The following CFAP44 variants were observed in gnomAD, a reference collection of about 807,000 sequenced individuals.
CFAP44 encodes cilia- and flagella-associated protein 44.
CFAP44 carries 134 observed loss-of-function variants against 216.2 expected under a neutral mutation model. The ratio of observed to expected loss-of-function variants is 0.62; its 90% CI spans 0.54 to 0.72. The LOEUF is 0.72. Ranked by LOEUF, CFAP44 falls within the 30% of genes least tolerant of loss-of-function variation. CFAP44 has a pLI of 0.00. For missense variants in CFAP44, 2,035 were observed against 2,182.1 expected (o/e 0.93, Z 1.34); for synonymous variants, 700 against 727.6 (o/e 0.96, Z 0.61).
intron 18 of CFAP44, among the ~76,000 whole-genome samples, chr3:113,367,413 C>A (rs1428546219): frequency 6.6e-6 from 1 of 152,196 alleles, no homozygotes; most frequent in African/African-American, 2.4e-5. Flanking sequence ...CATTCTGCAG[C>A]CTCCATTGGT....
At chr3:113,440,894 C>T (rs9815835) in intron 1 of CFAP44, among the ~76,000 whole-genome samples, 81,839 of 152,032 alleles carry the variant, frequency 0.54, 23,266 homozygotes, top group African/African-American at 0.71. Flanking sequence ...TCATGATAGA[C>T]TGGACACACT....
intron 6 of CFAP44, among the ~76,000 whole-genome samples, chr3:113,410,163 A>G (rs1307012732): frequency 6.8e-6 from 1 of 148,102 alleles, no homozygotes; most frequent in African/African-American, 2.5e-5. Context: ...TTTTTTTTTT[A>G]TTATACTTTA....
At chr3:113,438,297 C>A (rs547154429) in intron 1 of CFAP44, among the ~76,000 whole-genome samples, 1 of 152,330 alleles carries the variant, frequency 6.6e-6, no homozygotes, top group Admixed American at 6.5e-5. Context: ...TCACACATCT[C>A]AACATCCACC....
At chr3:113,294,122 T>A in intron 34 of CFAP44, 1 of 453,116 alleles carries the variant, frequency 2.2e-6, no homozygotes, top group South Asian at 1.6e-5. Flanking sequence ...TAACATAGAG[T>A]TTGGAATATG....
intron 28 of CFAP44, among the ~76,000 whole-genome samples, chr3:113,320,889 C>G (rs1950140669): frequency 1.3e-5 from 2 of 152,116 alleles, no homozygotes; most frequent in Admixed American, 6.6e-5. Flanking sequence ...TTTCCCAGCC[C>G]ACTGACTCAA....
chr3:113,403,628 C>A (rs1043678983), intron 9 of CFAP44, among the ~76,000 whole-genome samples: 3 of 152,172 alleles, frequency 2.0e-5, no homozygotes, highest in Admixed American at 6.5e-5. Context: ...ATCAGAATAA[C>A]AAGAGGCCCT....
Position 113,344,284 on chromosome 3 carries a change from G to A in CFAP44, c.3262+232C>T, listed in dbSNP as rs79756323. Among the ~76,000 whole-genome samples the A allele has an allele frequency of 4.7e-3, 711 of 152,076 alleles. 20 individuals are homozygous for A. In the East Asian group the frequency reaches 0.079, roughly 17 times the overall value. ...AGGTTTTCTTACAAACTACATTAAAGAGGAAAGTGGACATGGAGCATTTCT... is the reference window on the plus strand; with the variant it reads ...AGGTTTTCTTACAAACTACATTAAAAAGGAAAGTGGACATGGAGCATTTCT... On this transcript the variant is annotated intron_variant, in intron 23 of 34. Transcript: ENST00000393845.
chr3:113,313,409 A>G (rs1055910710), intron 28 of CFAP44, among the ~76,000 whole-genome samples: 2 of 152,114 alleles, frequency 1.3e-5, no homozygotes, highest in Non-Finnish European at 2.9e-5. Context: ...GACAGAAGAG[A>G]CTTGCCTTGC....
intron 28 of CFAP44, among the ~76,000 whole-genome samples, chr3:113,321,610 T>C (rs1454134285): frequency 6.6e-6 from 1 of 152,212 alleles, no homozygotes; most frequent in Non-Finnish European, 1.5e-5. Context: ...ATTCTATACT[T>C]AGAAGACCCC....
At chr3:113,358,945 TC>T in intron 21 of CFAP44, 70 bp from the exon 22 acceptor site, 4 of 1,473,062 alleles carry the variant, frequency 2.7e-6, no homozygotes, top group Non-Finnish European at 1.8e-6. Flanking sequence ...TTCAGTTTTG[TC>T]CCCAGTTTCA....
intron 12 of CFAP44, 35 bp downstream of exon 12, chr3:113,400,510 G>A: frequency 2.7e-6 from 4 of 1,496,308 alleles, no homozygotes; most frequent in South Asian, 1.4e-5. Context: ...AACAAAACAA[G>A]GCCAGACATA....
At chr3:113,321,074 G>A (rs9847084) in intron 28 of CFAP44, among the ~76,000 whole-genome samples, 36,838 of 151,920 alleles carry the variant, frequency 0.24, 4,653 homozygotes, top group East Asian at 0.41. Flanking sequence ...GATGAAGAAA[G>A]AAAACTTCAG....
intron 18 of CFAP44, among the ~76,000 whole-genome samples, chr3:113,368,871 G>A (rs1933051192): frequency 6.6e-6 from 1 of 152,094 alleles, no homozygotes. Context: ...ATACACATAG[G>A]CTCAAAATAA....
At chr3:113,400,965 T>C (rs1319946276) in intron 11 of CFAP44, among the ~76,000 whole-genome samples, 2 of 152,010 alleles carry the variant, frequency 1.3e-5, no homozygotes, top group African/African-American at 4.8e-5. Flanking sequence ...TGAGATAAAA[T>C]ACATGAAAAT....
rs773222987 is a variant in CFAP44, at chr3:113,427,210, T to C, written c.230A>G (p.Tyr77Cys). 201 of 1,613,118 alleles carry C rather than the reference T, an allele frequency of 1.2e-4. No individual in the cohort carries two copies. Among genetic ancestry groups the C allele is most frequent in the Non-Finnish European group, 1.7e-4 (196 of 1,179,756 alleles). Residue 77 changes from tyrosine (Y) to cysteine (C), a missense_variant, in exon 3 of 35, where the codon TAT (tyrosine) becomes TGT (cysteine). By Grantham distance (194) the Tyr-to-Cys change is radical (BLOSUM62 -2). Around this residue, in one of 3 missense-constraint regions of CFAP44, gnomAD observed 149 missense variants for 141.8 expected, o/e 1.05. Coordinates refer to ENST00000393845, the MANE Select transcript of CFAP44 (RefSeq NM_001164496.2). The part of the protein sequence containing the change: ...RLEGSLSSFQ[Y>C]GDLQSTTVPQ... ...ACCTGTAGTGCTTTGCAAATCACCATACTGAAATGAACTCAAACTTCCTTC... is the reference window on the plus strand; with the variant it reads ...ACCTGTAGTGCTTTGCAAATCACCACACTGAAATGAACTCAAACTTCCTTC...
Position 113,312,981 on chromosome 3 carries a change from C to G in CFAP44, c.4517-4713G>C, listed in dbSNP as rs536048309. ...ATGGGAAATGTGGGGTCAGAGCCCC[C>G]ACACAGAGTCCCTACTGGGGAACTG... On this transcript the variant is annotated intron_variant, in intron 28 of 34. Transcript: ENST00000393845. 1.1e-3 allele frequency among the ~76,000 whole-genome samples: 174 copies of G among 152,218 alleles called. 3 individuals carry two copies. Among genetic ancestry groups the G allele is most frequent in the South Asian group, 4.6e-3 (22 of 4,820 alleles).
chr3:113,328,463 C>T (rs1012769928), intron 26 of CFAP44, among the ~76,000 whole-genome samples: 10 of 150,840 alleles, frequency 6.6e-5, no homozygotes, highest in Admixed American at 6.6e-4. Flanking sequence ...CTTTCCCCCC[C>T]AGTATCACAA....
chr3:113,379,288 TATTAC>T lies in CFAP44; in HGVS notation c.2298+13_2298+17del. 6.7e-7 allele frequency: 1 copy of T among 1,494,934 alleles called. No individual in the cohort carries two copies. The highest frequency in any genetic ancestry group is 9.0e-7 in the Non-Finnish European group (1 of 1,115,166). 92.6% of individuals were successfully genotyped at this position (1,494,934 alleles called of 1,614,324 possible). A position where few individuals can be genotyped will look rare whatever the true frequency, so the allele number is the denominator to read the frequency against. On this transcript the variant is annotated intron_variant, in intron 17 of 34. Coordinates refer to ENST00000393845, the MANE Select transcript of CFAP44 (RefSeq NM_001164496.2). The stretch of plus-strand genomic sequence containing the variant: ...ATTGAAATATGATTGAGGTAAAAAT[TATTAC>T]ATTGTTACTTACCAAAGAAACCCAG...
At chr3:113,419,176 C>T (rs1232744917) in intron 5 of CFAP44, among the ~76,000 whole-genome samples, 1 of 152,176 alleles carries the variant, frequency 6.6e-6, no homozygotes, top group Non-Finnish European at 1.5e-5. Context: ...GACCTCAGGG[C>T]TCCTGAAACC....
Sources: allele counts gnomAD v4.1 joint callset (sites outside exome capture counted in the v4.1 genomes callset), GRCh38; gene constraint gnomAD v4.1.1; regional missense constraint gnomAD v4.1.1; transcripts MANE v1.5; gene names NCBI Gene and HGNC (gene_info 2026-07-23, HGNC 2026-07-21).